The following CDH6 variants were observed in gnomAD, a reference collection of about 807,000 sequenced individuals.
CDH6 encodes cadherin-6.
In CDH6, 31 loss-of-function variants were observed where a neutral mutation model predicts 78.0. The ratio of observed to expected loss-of-function variants is 0.40; its 90% confidence interval spans 0.30 to 0.54. The LOEUF is 0.54. Among genes scored for constraint, CDH6 ranks in the 20% least tolerant of loss-of-function variants. CDH6 has a pLI of 0.56. For missense variants in CDH6, 724 were observed against 975.9 expected (o/e 0.74, Z 3.44); for synonymous variants, 376 against 368.8 (o/e 1.02, Z -0.23).
intron 1 of CDH6, among the ~76,000 whole-genome samples, chr5:31,257,194 T>G (rs10042235): frequency 0.012 from 1,824 of 151,840 alleles, 31 homozygotes; most frequent in South Asian, 0.054. Context: ...GACGGAGTCT[T>G]GCTCTGTCGC....
At chr5:31,196,532 A>T (rs1413379849) in intron 1 of CDH6, among the ~76,000 whole-genome samples, 1 of 152,160 alleles carries the variant, frequency 6.6e-6, no homozygotes, top group African/African-American at 2.4e-5. Context: ...AACTTTTTTT[A>T]GTTGGAAGGG....
At chr5:31,207,531 TA>T (rs1325152326) in intron 1 of CDH6, among the ~76,000 whole-genome samples, 1 of 152,228 alleles carries the variant, frequency 6.6e-6, no homozygotes, top group African/African-American at 2.4e-5. Context: ...AGCGTAACTG[TA>T]AAAACATCTT....
At chr5:31,198,554 C>T (rs1327173915) in intron 1 of CDH6, among the ~76,000 whole-genome samples, 2 of 152,070 alleles carry the variant, frequency 1.3e-5, no homozygotes, top group Non-Finnish European at 2.9e-5. Context: ...TTCTCTTTCT[C>T]TAATTTCCTA....
intron 1 of CDH6, among the ~76,000 whole-genome samples, chr5:31,241,339 T>G (rs1319171551): frequency 1.3e-5 from 2 of 152,318 alleles, no homozygotes; most frequent in African/African-American, 4.8e-5. Flanking sequence ...AACTCTTGTG[T>G]TTGCATCTCC....
chr5:31,291,518 C>G (rs899136665), intron 2 of CDH6, among the ~76,000 whole-genome samples: 2 of 152,142 alleles, frequency 1.3e-5, no homozygotes, highest in African/African-American at 4.8e-5. Flanking sequence ...AGATAAGAAT[C>G]CTGGCTGAGG....
chr5:31,315,720 T>C (rs1015018665), intron 8 of CDH6, among the ~76,000 whole-genome samples: 3 of 152,234 alleles, frequency 2.0e-5, no homozygotes, highest in African/African-American at 7.2e-5. Flanking sequence ...AGTACCTCTG[T>C]CTACCTCAGA....
intron 1 of CDH6, chr5:31,251,992 C>T (rs959107009): frequency 5.3e-5 from 8 of 152,156 alleles, no homozygotes; most frequent in Non-Finnish European, 1.0e-4. Context: ...ATTTTCTAGA[C>T]ATTTTAGTCC....
intron 2 of CDH6, among the ~76,000 whole-genome samples, chr5:31,280,818 G>A (rs1388987068): frequency 6.6e-6 from 1 of 151,284 alleles, no homozygotes; most frequent in Non-Finnish European, 1.5e-5. Context: ...GAAGAAAAAG[G>A]ACAACAGAGA....
chr5:31,207,496 T>C (rs1365410161), intron 1 of CDH6, among the ~76,000 whole-genome samples: 1 of 152,204 alleles, frequency 6.6e-6, no homozygotes, highest in East Asian at 1.9e-4. Flanking sequence ...ATGGTGTGAG[T>C]GTGTCAGAGC....
chr5:31,215,087 C>T (rs1740827499), intron 1 of CDH6, among the ~76,000 whole-genome samples: 1 of 152,058 alleles, frequency 6.6e-6, no homozygotes, highest in South Asian at 2.1e-4. Flanking sequence ...AAGAAAAGTC[C>T]TTTAGTAAGC....
At chr5:31,229,690 A>G (rs1741262560) in intron 1 of CDH6, among the ~76,000 whole-genome samples, 1 of 152,258 alleles carries the variant, frequency 6.6e-6, no homozygotes, top group South Asian at 2.1e-4. Flanking sequence ...ATGAATTATG[A>G]CAAAGAGAAA....
intron 11 of CDH6, among the ~76,000 whole-genome samples, chr5:31,321,448 C>T (rs1422816075): frequency 6.6e-6 from 1 of 152,100 alleles, no homozygotes; most frequent in African/African-American, 2.4e-5. Context: ...ATTGCATGTA[C>T]CTGTAACATC....
At chr5:31,312,880 A>G (rs547826339) in intron 7 of CDH6, among the ~76,000 whole-genome samples, 1 of 151,884 alleles carries the variant, frequency 6.6e-6, no homozygotes, top group East Asian at 1.9e-4. Context: ...TGCTTATTTC[A>G]ACAGATGATT....
At chr5:31,312,996 T>G (rs1738200133) in intron 7 of CDH6, among the ~76,000 whole-genome samples, 1 of 150,756 alleles carries the variant, frequency 6.6e-6, no homozygotes, top group African/African-American at 2.4e-5. Context: ...TTGTAAAAAC[T>G]TGAGTTAAAA....
chr5:31,204,722 A>G (rs190285702), intron 1 of CDH6, among the ~76,000 whole-genome samples: 105 of 152,332 alleles, frequency 6.9e-4, no homozygotes, highest in African/African-American at 2.4e-3. Context: ...CAATCACAGA[A>G]GATGAGAGCC....
At chr5:31,293,664 G>A (rs112849840) in intron 2 of CDH6, among the ~76,000 whole-genome samples, 207 of 152,096 alleles carry the variant, frequency 1.4e-3, no homozygotes, top group African/African-American at 4.7e-3. Context: ...ACCCTAATAC[G>A]TCCTTGGCCA....
rs528360111 is a variant in CDH6, at chr5:31,276,019, C to T, written c.228+8318C>T. Among the ~76,000 whole-genome samples the T allele has an allele frequency of 3.6e-4, 55 of 152,326 alleles. No homozygotes were observed. In the South Asian group the frequency reaches 5.8e-3, roughly 16 times the overall value. On this transcript the variant is annotated intron_variant, in intron 2 of 11. Coordinates refer to ENST00000265071, the MANE Select transcript of CDH6 (RefSeq NM_004932.4). ...AGATGTCAATGTGCCATTGCAACCT[C>T]GAGGGGGCAACTCTGTGTGTGTTGG...
intron 7 of CDH6, among the ~76,000 whole-genome samples, chr5:31,312,787 A>C (rs558822640): frequency 1.9e-4 from 29 of 152,284 alleles, no homozygotes; most frequent in African/African-American, 7.0e-4. Flanking sequence ...CTTCTTCTGC[A>C]GTCTAGACTC....
chr5:31,194,777 G>T (rs771871401), intron 1 of CDH6, among the ~76,000 whole-genome samples: 6 of 152,138 alleles, frequency 3.9e-5, no homozygotes, highest in Non-Finnish European at 8.8e-5. Context: ...GTTAATCCCA[G>T]AATTTAATAA....
Sources: allele counts gnomAD v4.1 joint callset (sites outside exome capture counted in the v4.1 genomes callset), GRCh38; gene constraint gnomAD v4.1.1; transcripts MANE v1.5; gene names NCBI Gene and HGNC (gene_info 2026-07-23, HGNC 2026-07-21).